UBA2: variants seen among roughly 807,000 people sequenced by gnomAD.
UBA2 encodes SUMO-activating enzyme subunit 2.
Under a neutral mutation model 77.2 loss-of-function variants are expected in UBA2, and 11 were observed. The observed-to-expected ratio is 0.14, with a 90% CI of 0.09 to 0.24. UBA2 has a LOEUF of 0.24. Ranked by LOEUF, UBA2 falls within the 10% of genes least tolerant of loss-of-function variation. UBA2 has a pLI of 1.00. For missense variants in UBA2, 487 were observed against 781.7 expected, an observed-to-expected ratio of 0.62 and a Z score of 4.50; for synonymous variants, 278 against 276.7, an observed-to-expected ratio of 1.00 and a Z score of -0.05.
intron 5 of UBA2, among the ~76,000 whole-genome samples, chr19:34,436,088 C>G (rs552721810): frequency 3.5e-4 from 48 of 136,044 alleles, no homozygotes; most frequent in Admixed American, 3.5e-3. Context: ...CCATTGCACT[C>G]CAGCCTGGGC....
chr19:34,455,146 T>TG (rs1302711297), intron 12 of UBA2, among the ~76,000 whole-genome samples: 2 of 152,202 alleles, frequency 1.3e-5, no homozygotes, highest in African/African-American at 4.8e-5. Flanking sequence ...TTTGGGTGCT[T>TG]GGGGCACTGC....
In UBA2 at chr19:34,454,250, T is replaced by G; in HGVS notation, c.1039-10T>G. On this transcript the variant is annotated splice_polypyrimidine_tract_variant and intron_variant, in intron 10 of 16. Coordinates refer to ENST00000246548, the MANE Select transcript of UBA2 (RefSeq NM_005499.3). ...GGAGAAACTTGTTAAATTGTTTAAATTATTGGCAGGATGACCCATCTGCAA... is the reference window on the plus strand; with the variant it reads ...GGAGAAACTTGTTAAATTGTTTAAAGTATTGGCAGGATGACCCATCTGCAA... 1 of 1,596,410 alleles carries G rather than the reference T, an allele frequency of 6.3e-7. No homozygotes were observed. Among genetic ancestry groups the G allele is most frequent in the Non-Finnish European group, 8.5e-7 (1 of 1,174,424 alleles).
In UBA2 at chr19:34,469,255, T is replaced by C; in HGVS notation, c.*34T>C. On this transcript the variant is annotated 3_prime_UTR_variant, in exon 17 of 17. Transcript: ENST00000246548. ...GCCTCTAAACAGAACCCTCTTACTA[T>C]TTAGTTTATCTGGGCAGAACCAGAT... The C allele has an allele frequency of 6.6e-7, 1 of 1,506,046 alleles. No individual in the cohort carries two copies. The highest frequency in any genetic ancestry group is 8.8e-7 in the Non-Finnish European group (1 of 1,132,680). The allele number at this position is 1,506,046 out of a possible 1,614,324, so 93.3% of individuals were successfully genotyped here.
At chr19:34,430,321 GGAT>G (rs1568365655) in intron 1 of UBA2, 3 of 341,774 alleles carry the variant, frequency 8.8e-6, no homozygotes, top group East Asian at 4.7e-5. Flanking sequence ...ATATTTTCCA[GGAT>G]GATTAAACAA....
chr19:34,446,608 C>CTTTTTTTTTTT (rs764109454), intron 8 of UBA2, among the ~76,000 whole-genome samples: 7 of 145,140 alleles, frequency 4.8e-5, no homozygotes, highest in African/African-American at 1.1e-4. Context: ...TTTTTTTTTT[C>CTTTTTTTTTTT]TTTCTTTTTT....
At chr19:34,456,099 T>C (rs964206130) in intron 12 of UBA2, among the ~76,000 whole-genome samples, 35 of 83,008 alleles carry the variant, frequency 4.2e-4, no homozygotes, top group African/African-American at 1.3e-3. Flanking sequence ...TTTTTCCTTT[T>C]CTTTTTCTTT....
At chr19:34,465,319 A>T (rs1448601744) in intron 15 of UBA2, among the ~76,000 whole-genome samples, 1 of 152,198 alleles carries the variant, frequency 6.6e-6, no homozygotes, top group East Asian at 1.9e-4. Context: ...ACTACATTTC[A>T]TACTTTGTTT....
chr19:34,468,131 C>CG (rs1363157134), intron 16 of UBA2, among the ~76,000 whole-genome samples: 1 of 152,172 alleles, frequency 6.6e-6, no homozygotes, highest in Non-Finnish European at 1.5e-5. Context: ...ATTTACTCCT[C>CG]TCCCTTTCTT....
chr19:34,432,579 T>C (rs1267627541), intron 3 of UBA2, among the ~76,000 whole-genome samples: 1 of 151,932 alleles, frequency 6.6e-6, no homozygotes, highest in East Asian at 1.9e-4. Context: ...GTGTGTGAGA[T>C]AGGGTTTTGC....
At chr19:34,443,354 G>C (rs1269201157) in intron 6 of UBA2, among the ~76,000 whole-genome samples, 1 of 151,872 alleles carries the variant, frequency 6.6e-6, no homozygotes, top group African/African-American at 2.4e-5. Context: ...ATTTAACCTT[G>C]CTTACATTGC....
Position 34,433,377 on chromosome 19 carries a change from A to T in UBA2, c.323A>T (p.Gln108Leu). The T allele has an allele frequency of 6.2e-7, 1 of 1,612,380 alleles. No individual in the cohort carries two copies. Among genetic ancestry groups the T allele is most frequent in the Non-Finnish European group, 8.5e-7 (1 of 1,179,046 alleles). The change falls in exon 4 of 17, where the codon CAG becomes CTG. Residue 108 changes from glutamine to leucine, a missense_variant. Physicochemically the swap from Gln to Leu is moderately radical, Grantham distance 113. Around this residue, in one of 9 missense-constraint regions of UBA2, gnomAD observed 66 missense variants for 112.0 expected, o/e 0.59. Transcript: ENST00000246548. ...NPDYNVEFFR[Q>L]FILVMNALDN... ...GACTATAATGTGGAATTTTTCCGAC[A>T]GTTTATACTGGTTATGAATGCTTTA...
intron 8 of UBA2, among the ~76,000 whole-genome samples, chr19:34,449,533 T>TC (rs2145532484): frequency 6.6e-6 from 1 of 152,344 alleles, no homozygotes; most frequent in South Asian, 2.1e-4. Flanking sequence ...AAATTTCTGT[T>TC]CTTACCTGGT....
intron 4 of UBA2, among the ~76,000 whole-genome samples, chr19:34,434,485 A>G (rs1214821869): frequency 6.6e-6 from 1 of 152,194 alleles, no homozygotes; most frequent in Non-Finnish European, 1.5e-5. Flanking sequence ...TTCCAAGTTG[A>G]TATTCCACAT....
At chr19:34,465,202 A>G (rs556231650) in intron 15 of UBA2, among the ~76,000 whole-genome samples, 1 of 152,334 alleles carries the variant, frequency 6.6e-6, no homozygotes, top group African/African-American at 2.4e-5. Context: ...GGTAGCATCT[A>G]ACAAACATAA....
At position 34,454,372 on chromosome 19, in the gene UBA2, A is replaced by C; in HGVS notation, c.1132+19A>C. 6.3e-7 allele frequency: 1 copy of C among 1,599,702 alleles called. No individual in the cohort carries two copies. The highest frequency in any genetic ancestry group is 8.5e-7 in the Non-Finnish European group (1 of 1,172,478). Reference sequence around the variant, plus strand: ...ATCAAATGTAAGTTATTTGTACTAAAGTTGTATCACTAAAACCTTGAAGTT... The same window carrying C: ...ATCAAATGTAAGTTATTTGTACTAACGTTGTATCACTAAAACCTTGAAGTT... On this transcript the variant is annotated intron_variant, in intron 11 of 16. Transcript: ENST00000246548.
rs2145491604 is a variant in UBA2 at position 34,433,345 on chromosome 19, T to C, written c.294-3T>C. Reference sequence around the variant, plus strand: ...GGTGACCTTTTTTTATTTTGTTTTGTAGCCCTGACTATAATGTGGAATTTT... The same window carrying C: ...GGTGACCTTTTTTTATTTTGTTTTGCAGCCCTGACTATAATGTGGAATTTT... On this transcript the variant is annotated splice_polypyrimidine_tract_variant and splice_region_variant and intron_variant, in intron 3 of 16. Coordinates refer to ENST00000246548, the MANE Select transcript of UBA2 (RefSeq NM_005499.3). The C allele has an allele frequency of 1.2e-6, 2 of 1,609,756 alleles. No homozygotes were observed. The highest frequency in any genetic ancestry group is 4.5e-5 in the East Asian group (2 of 44,778).
In UBA2 at chr19:34,452,270, G is replaced by C. The variant is rs539427775; in HGVS notation, c.1038+123G>C. On this transcript the variant is annotated intron_variant, in intron 10 of 16. Transcript: ENST00000246548. ...GATTTTGAGGAAATATATTGATTTG[G>C]CTTGGATATTTTCAGCTCTAATTGC... 1.2e-5 allele frequency: 11 copies of C among 909,630 alleles called. No individual in the cohort carries two copies. In the African/African-American group the frequency reaches 1.5e-4, roughly 13 times the overall value. The allele number at this position is 909,630 out of a possible 1,614,324, so 56.3% of individuals were successfully genotyped here.
chr19:34,463,739 A>G (rs1438290125), intron 14 of UBA2, among the ~76,000 whole-genome samples: 1 of 152,108 alleles, frequency 6.6e-6, no homozygotes, highest in Non-Finnish European at 1.5e-5. Context: ...AAGTGCTGAG[A>G]TTATAGATGT....
intron 12 of UBA2, among the ~76,000 whole-genome samples, chr19:34,455,581 A>G (rs2145548703): frequency 6.6e-6 from 1 of 152,302 alleles, no homozygotes; most frequent in South Asian, 2.1e-4. Flanking sequence ...TTACCTTCAG[A>G]AATTTCAAAA....
Sources: allele counts gnomAD v4.1 joint callset (sites outside exome capture counted in the v4.1 genomes callset), GRCh38; gene constraint gnomAD v4.1.1; regional missense constraint gnomAD v4.1.1; transcripts MANE v1.5; gene names NCBI Gene and HGNC (gene_info 2026-07-23, HGNC 2026-07-21).